Variants in FYB2 observed in about 807,000 individuals in gnomAD.
FYB2 encodes FYN binding protein 2.
A neutral mutation model predicts 94.1 loss-of-function variants in FYB2; 103 were observed. That is an observed-to-expected ratio of 1.09 (90% CI 0.93 to 1.29). The LOEUF is 1.29. FYB2 is among the 50% of genes most tolerant of loss of function. FYB2 has a pLI of 0.00. For synonymous variants in FYB2, 293 were observed against 287.9 expected (o/e 1.02, Z -0.18); for missense variants, 896 against 841.5 (o/e 1.06, Z -0.80).
In FYB2 at chr1:56,768,020, AAAT is replaced by A. The variant is rs1226038800; in HGVS notation, c.954-85_954-83del. 6.5e-6 allele frequency: 7 copies of A among 1,073,824 alleles called. No individual in the cohort carries two copies. The East Asian group carries it at 1.5e-4, about 23-fold the overall frequency. The allele number at this position is 1,073,824 out of a possible 1,614,324, so 66.5% of individuals were successfully genotyped here. On this transcript the variant is annotated intron_variant, in intron 4 of 19. Coordinates refer to ENST00000343433, the MANE Select transcript of FYB2 (RefSeq NM_001004303.5). ...TTTTTGTATTTTTTCCTCATTAGAGAAATAATATGTGTGTCTGGCCAATATGGT... is the reference window on the plus strand; with the variant it reads ...TTTTTGTATTTTTTCCTCATTAGAGAAATATGTGTGTCTGGCCAATATGGT...
chr1:56,813,882 C>T (rs1391830728), intron 1 of FYB2, among the ~76,000 whole-genome samples: 1 of 152,172 alleles, frequency 6.6e-6, no homozygotes. Context: ...CACTGAACAA[C>T]TAGTAAACAG....
intron 12 of FYB2, among the ~76,000 whole-genome samples, chr1:56,741,907 C>A (rs892509297): frequency 5.3e-5 from 8 of 151,992 alleles, no homozygotes; most frequent in Non-Finnish European, 1.2e-4. Context: ...GGGTATTTCT[C>A]AAAAGCGAGA....
intron 1 of FYB2, among the ~76,000 whole-genome samples, chr1:56,812,731 A>AGGGGC (rs1430105212): frequency 6.6e-6 from 1 of 152,194 alleles, no homozygotes; most frequent in Non-Finnish European, 1.5e-5. Context: ...TTCCATGCTG[A>AGGGGC]GGGGCAATAA....
At chr1:56,787,994 T>C (rs1392204501) in intron 3 of FYB2, among the ~76,000 whole-genome samples, 1 of 152,218 alleles carries the variant, frequency 6.6e-6, no homozygotes, top group African/African-American at 2.4e-5. Context: ...AGATGACTTG[T>C]AGCAGTGGTT....
chr1:56,793,238 A>G (rs373971492), intron 1 of FYB2, among the ~76,000 whole-genome samples: 3 of 152,282 alleles, frequency 2.0e-5, no homozygotes, highest in East Asian at 3.9e-4. Flanking sequence ...CTCCAACCAC[A>G]GCCAAACACA....
At chr1:56,724,869 G>A (rs1450080738) in intron 16 of FYB2, among the ~76,000 whole-genome samples, 4 of 151,984 alleles carry the variant, frequency 2.6e-5, no homozygotes, top group African/African-American at 2.4e-5. Context: ...AATGTTGGAG[G>A]TGGGGCCTAA....
Position 56,719,665 on chromosome 1 carries a change from ATTTT to A in FYB2, c.*2_*5del. On this transcript the variant is annotated 3_prime_UTR_variant, in exon 20 of 20. Transcript: ENST00000343433. The stretch of plus-strand genomic sequence containing the variant: ...GTGCAGTCCATAGCATTTGATCTTG[ATTTT>A]TCTAAGGTGACCAACTTTGATGCCT... 2 of 1,598,350 alleles carry A rather than the reference ATTTT, an allele frequency of 1.3e-6. No homozygotes were observed. The highest frequency in any genetic ancestry group is 2.2e-5 in the South Asian group (2 of 90,136).
Position 56,819,388 on chromosome 1 carries a change from G to A in FYB2, c.-98C>T. On this transcript the variant is annotated 5_prime_UTR_variant, in exon 1 of 20. Coordinates refer to ENST00000343433, the MANE Select transcript of FYB2 (RefSeq NM_001004303.5). ...CTTTCCTCTGTCTCTGCTAGCCAGG[G>A]AGCAATCACTTCCCACAGGACACAC... 2 of 1,530,642 alleles carry A rather than the reference G, an allele frequency of 1.3e-6. No individual in the cohort carries two copies. Among genetic ancestry groups the A allele is most frequent in the Non-Finnish European group, 1.8e-6 (2 of 1,110,494 alleles). The allele number at this position is 1,530,642 out of a possible 1,614,324, so 94.8% of individuals were successfully genotyped here. A position where few individuals can be genotyped will look rare whatever the true frequency, so the allele number is the denominator to read the frequency against.
intron 14 of FYB2, among the ~76,000 whole-genome samples, chr1:56,738,391 A>G (rs1644877092): frequency 6.6e-6 from 1 of 152,098 alleles, no homozygotes; most frequent in Non-Finnish European, 1.5e-5. Context: ...TTTTTCTGGG[A>G]TTTTAAGAGG....
Position 56,792,611 on chromosome 1 carries a change from T to C in FYB2, c.202A>G (p.Ser68Gly). 1 of 1,614,118 alleles carries C rather than the reference T, an allele frequency of 6.2e-7. No homozygotes were observed. The highest frequency in any genetic ancestry group is 8.5e-7 in the Non-Finnish European group (1 of 1,180,020). The change falls in exon 2 of 20, where the codon AGT becomes GGT. Residue 68 changes from serine (S) to glycine (G), a missense_variant. Transcript: ENST00000343433. ...NHKQRTPYCS[S>G]SESQPLQPQK... Reference sequence around the variant, plus strand: ...GGTTGAAGAGGCTGGGACTCACTACTGGAACAGTATGGTGTGCGCTGCTTG... The same window carrying C: ...GGTTGAAGAGGCTGGGACTCACTACCGGAACAGTATGGTGTGCGCTGCTTG...
rs753799918 is a variant in FYB2 at position 56,738,615 on chromosome 1, T to C, written c.1732+10A>G. 6.2e-7 allele frequency: 1 copy of C among 1,609,052 alleles called. No individual in the cohort carries two copies. The highest frequency in any genetic ancestry group is 2.2e-5 in the East Asian group (1 of 44,646). On this transcript the variant is annotated intron_variant, in intron 14 of 19. Coordinates refer to ENST00000343433, the MANE Select transcript of FYB2 (RefSeq NM_001004303.5). ...GTACTTTTGGTCTGCAATAAGCAAA[T>C]GGCACTTACCTAAATCAGGCAGCAA...
chr1:56,744,230 G>A lies in FYB2; in HGVS notation c.1424C>T (p.Thr475Ile). Residue 475 changes from threonine (T) to isoleucine (I), a missense_variant, in exon 10 of 20, where the codon ACT becomes ATT. Coordinates refer to ENST00000343433, the MANE Select transcript of FYB2 (RefSeq NM_001004303.5). Reference sequence around the variant, plus strand: ...TGTCTTAGAGACCCCTAGGTCTGGAGTTTCTTTAGTTGACTCCAAAACCTC... The same window carrying A: ...TGTCTTAGAGACCCCTAGGTCTGGAATTTCTTTAGTTGACTCCAAAACCTC... ...HLEVLESTKETPDLGVSKTSS... is the reference protein window; with the variant it reads ...HLEVLESTKEIPDLGVSKTSS... 3 of 1,612,234 alleles carry A rather than the reference G, an allele frequency of 1.9e-6. No individual in the cohort carries two copies. The highest frequency in any genetic ancestry group is 1.7e-6 in the Non-Finnish European group (2 of 1,179,200).
upstream of FYB2, among the ~76,000 whole-genome samples, chr1:56,821,991 T>C (rs1012631500): frequency 2.6e-5 from 4 of 152,208 alleles, no homozygotes; most frequent in African/African-American, 7.2e-5. Context: ...GAAATCCTGC[T>C]ATATCCAAGG....
Position 56,753,824 on chromosome 1 carries a change from G to A in FYB2, c.1227+15C>T, listed in dbSNP as rs758580284. The stretch of plus-strand genomic sequence containing the variant: ...GTTATATGTCTAAACTGCAGGAACC[G>A]TAGAACATAGGTACCTTGAAAACAT... On this transcript the variant is annotated intron_variant, in intron 8 of 19. Transcript: ENST00000343433. The A allele has an allele frequency of 1.7e-5, 26 of 1,565,384 alleles. No individual in the cohort carries two copies. The highest frequency in any genetic ancestry group is 1.7e-4 in the Middle Eastern group (1 of 5,976).
chr1:56,815,844 C>A (rs1387834057), intron 1 of FYB2, among the ~76,000 whole-genome samples: 4 of 152,234 alleles, frequency 2.6e-5, no homozygotes, highest in African/African-American at 9.6e-5. Context: ...CTGGCCAGCT[C>A]TCCCAGCTCA....
chr1:56,791,546 C>A (rs1482702144), intron 2 of FYB2, among the ~76,000 whole-genome samples: 2 of 152,160 alleles, frequency 1.3e-5, no homozygotes, highest in African/African-American at 4.8e-5. Flanking sequence ...CCGTGCCCAG[C>A]CAGTCCTTAT....
At chr1:56,795,249 T>C (rs913326832) in intron 1 of FYB2, among the ~76,000 whole-genome samples, 1 of 152,152 alleles carries the variant, frequency 6.6e-6, no homozygotes, top group Non-Finnish European at 1.5e-5. Context: ...TTTGTAACTG[T>C]CTTATTTCAC....
chr1:56,787,907 G>C (rs991715782), intron 3 of FYB2, among the ~76,000 whole-genome samples: 1 of 152,100 alleles, frequency 6.6e-6, no homozygotes, highest in African/African-American at 2.4e-5. Context: ...TCTTTGATTT[G>C]GAGCTGTCCA....
At position 56,787,226 on chromosome 1, in the gene FYB2, G is replaced by A. The variant is rs200967285; in HGVS notation, c.920-18C>T. 1.1e-4 allele frequency: 177 copies of A among 1,613,736 alleles called. No individual in the cohort carries two copies. The highest frequency in any genetic ancestry group is 3.3e-4 in the Middle Eastern group (2 of 6,058). ...CACAGTCACTGCAAGAGAAAGAGGCGGAATGAAAAAGAGGCATTTGCAGCA... is the reference window on the plus strand; with the variant it reads ...CACAGTCACTGCAAGAGAAAGAGGCAGAATGAAAAAGAGGCATTTGCAGCA... On this transcript the variant is annotated intron_variant, in intron 3 of 19. Transcript: ENST00000343433.
Sources: gnomAD v4.1 joint callset for allele counts (sites outside exome capture counted in the v4.1 genomes callset) on GRCh38, gnomAD v4.1.1 for gene constraint, MANE v1.5 for transcripts, NCBI Gene and HGNC (gene_info 2026-07-23, HGNC 2026-07-21) for gene names.